The following SLC23A1 variants were observed in gnomAD, a reference collection of about 807,000 sequenced individuals.
The protein encoded by SLC23A1 is Na(+)/L-ascorbic acid transporter 1.
SLC23A1 carries 31 observed loss-of-function variants against 62.5 expected under a neutral mutation model. The ratio of observed to expected loss-of-function variants is 0.50; its 90% confidence interval spans 0.37 to 0.67. The LOEUF (loss-of-function observed/expected upper bound fraction) is 0.67. Ranked by LOEUF, SLC23A1 falls within the 30% of genes least tolerant of loss-of-function variation. The pLI, the probability that SLC23A1 is intolerant of heterozygous loss-of-function variation, is 0.00. For synonymous variants in SLC23A1, 271 were observed against 313.2 expected, an observed-to-expected ratio of 0.87 and a Z score of 1.42; for missense variants, 640 against 782.7, an observed-to-expected ratio of 0.82 and a Z score of 2.18.
chr5:139,382,130 C>T (rs1163216254), intron 2 of SLC23A1, 81 bp from the exon 3 acceptor site: 3 of 1,422,652 alleles, frequency 2.1e-6, no homozygotes, highest in Admixed American at 2.1e-5. Context: ...GTCCTCATGC[C>T]TGCCTCAGCG....
intron 13 of SLC23A1, among the ~76,000 whole-genome samples, chr5:139,374,459 CAAAA>C (rs891938760): frequency 2.6e-5 from 4 of 151,798 alleles, no homozygotes; most frequent in African/African-American, 7.3e-5. Context: ...AACAAACAAA[CAAAA>C]AAAACAAATG....
intron 3 of SLC23A1, among the ~76,000 whole-genome samples, chr5:139,381,364 G>A (rs1758246752): frequency 6.6e-6 from 1 of 152,316 alleles, no homozygotes; most frequent in Admixed American, 6.5e-5. Context: ...GTTTAAGAGG[G>A]GAGAGCCGGC....
chr5:139,381,926 T>C lies in SLC23A1; in HGVS notation c.274A>G (p.Ile92Val). 6.3e-7 allele frequency: 1 copy of C among 1,575,168 alleles called. No individual in the cohort carries two copies. The highest frequency in any genetic ancestry group is 8.6e-7 in the Non-Finnish European group (1 of 1,161,630). Residue 92 changes from isoleucine to valine, a missense_variant, in exon 3 of 15, where the codon ATC becomes GTC. Ile to Val is a conservative substitution (Grantham distance 29). Transcript: ENST00000348729. ...ACGGTGGTCTGGATGAGAGTGGTGA[T>C]GCCCACGCACGTGAAGATGGTGCCG... The part of the protein sequence containing the change: ...LIGTIFTCVG[I>V]TTLIQTTVGI...
intron 1 of SLC23A1, among the ~76,000 whole-genome samples, chr5:139,382,895 C>T (rs1758347275): frequency 6.6e-6 from 1 of 152,190 alleles, no homozygotes; most frequent in Non-Finnish European, 1.5e-5. Flanking sequence ...TTGGAGACCA[C>T]AGGAGAGGGG....
intron 13 of SLC23A1, among the ~76,000 whole-genome samples, chr5:139,375,536 C>T (rs1467683142): frequency 1.3e-5 from 2 of 152,090 alleles, no homozygotes; most frequent in Non-Finnish European, 2.9e-5. Context: ...AGACCCCCAT[C>T]TTAATTTAAA....
chr5:139,371,106 A>G (rs1346511546), intron 14 of SLC23A1, among the ~76,000 whole-genome samples: 1 of 152,174 alleles, frequency 6.6e-6, no homozygotes, highest in East Asian at 1.9e-4. Context: ...AGGGAACTCT[A>G]GCCAGACTTC....
chr5:139,370,650 C>T (rs1300095593), intron 14 of SLC23A1, among the ~76,000 whole-genome samples: 1 of 152,010 alleles, frequency 6.6e-6, no homozygotes, highest in East Asian at 1.9e-4. Context: ...TACCACCACG[C>T]CTGGCTAATT....
At chr5:139,371,543 T>C (rs1757668885) in intron 14 of SLC23A1, among the ~76,000 whole-genome samples, 7 of 152,260 alleles carry the variant, frequency 4.6e-5, no homozygotes, top group Admixed American at 4.6e-4. Context: ...ATGACGTTAT[T>C]GAGACAAGGC....
intron 13 of SLC23A1, among the ~76,000 whole-genome samples, chr5:139,375,687 T>G (rs1757912802): frequency 6.6e-6 from 1 of 151,978 alleles, no homozygotes; most frequent in Non-Finnish European, 1.5e-5. Context: ...ATACAAAAAT[T>G]AGCTGGGTGT....
At position 139,382,479 on chromosome 5, in the gene SLC23A1, C is replaced by T; in HGVS notation, c.150+13G>A. 6.5e-7 allele frequency: 1 copy of T among 1,547,274 alleles called. No homozygotes were observed. Among genetic ancestry groups the T allele is most frequent in the Non-Finnish European group, 8.9e-7 (1 of 1,119,800 alleles). ...TGTGCAGAGTGAGGGCGGGGAGGCCCTGGGGGACCCACCTGGAAGCCCAGC... is the reference window on the plus strand; with the variant it reads ...TGTGCAGAGTGAGGGCGGGGAGGCCTTGGGGGACCCACCTGGAAGCCCAGC... On this transcript the variant is annotated intron_variant, in intron 2 of 14. Transcript: ENST00000348729.
chr5:139,373,576 T>C (rs1237142180), intron 13 of SLC23A1, among the ~76,000 whole-genome samples: 1 of 152,118 alleles, frequency 6.6e-6, no homozygotes, highest in Non-Finnish European at 1.5e-5. Flanking sequence ...AAGACTGAAA[T>C]ACTATAAATC....
rs770619779 is a variant in SLC23A1 at position 139,379,732 on chromosome 5, C to T, written c.871G>A (p.Asp291Asn). 31 of 1,613,858 alleles carry T rather than the reference C, an allele frequency of 1.9e-5. No homozygotes were observed. Among genetic ancestry groups the T allele is most frequent in the South Asian group, 5.5e-5 (5 of 91,074 alleles). Residue 291 changes from aspartate to asparagine, a missense_variant, in exon 8 of 15, where the codon GAT becomes AAT. Coordinates refer to ENST00000348729, the MANE Select transcript of SLC23A1 (RefSeq NM_005847.5). This position sits in a 1 kb window ranked among gnomAD's most constrained non-coding sequence, Gnocchi z 4.7. ...ATAGCCATGATGTCACCACGGGCAT[C>T]GGTTCGTGCCTGGAAGCCATAGGCT... ...PKAYGFQART[D>N]ARGDIMAIAP...
At chr5:139,382,177 CCCA>C in intron 2 of SLC23A1, 128 bp from the exon 3 acceptor site, 1 of 880,244 alleles carries the variant, frequency 1.1e-6, no homozygotes, top group Non-Finnish European at 1.7e-6. Context: ...ACTGGCAGTC[CCCA>C]CAAGGGATTC....
chr5:139,369,242 T>G (rs1164671531), intron 14 of SLC23A1: 1 of 153,690 alleles, frequency 6.5e-6, no homozygotes, highest in Non-Finnish European at 1.5e-5. Context: ...GAAGGTCTGT[T>G]AGTTAATTTG....
At chr5:139,368,090 C>T (rs1317153102) in intron 14 of SLC23A1, among the ~76,000 whole-genome samples, 8 of 152,280 alleles carry the variant, frequency 5.3e-5, no homozygotes, top group East Asian at 1.9e-4. Flanking sequence ...AATCCCAGCA[C>T]TTTGGGAGGC....
upstream of SLC23A1, chr5:139,383,362 G>A (rs1758384902): frequency 5.9e-6 from 9 of 1,534,454 alleles, no homozygotes; most frequent in Admixed American, 1.9e-5. Flanking sequence ...AAGTAAATCT[G>A]TAACCAGATG....
At chr5:139,383,388 C>T (rs1279151106), upstream of SLC23A1, 7 of 1,475,602 alleles carry the variant, frequency 4.7e-6, no homozygotes, top group South Asian at 1.5e-5. Flanking sequence ...CTCTGGATTG[C>T]GAAAGGGGGG....
intron 14 of SLC23A1, chr5:139,369,286 C>G (rs1757501020): frequency 1.3e-5 from 2 of 153,270 alleles, no homozygotes; most frequent in African/African-American, 4.8e-5. Flanking sequence ...TGTCATATTA[C>G]TGAGGCTACA....
intron 13 of SLC23A1, among the ~76,000 whole-genome samples, chr5:139,372,588 TATTTA>T (rs1456524654): frequency 6.6e-6 from 1 of 152,116 alleles, no homozygotes; most frequent in Non-Finnish European, 1.5e-5. Flanking sequence ...TATTTTATTT[TATTTA>T]TTTATTTTTT....
Sources: gnomAD v4.1 joint callset for allele counts (sites outside exome capture counted in the v4.1 genomes callset) on GRCh38, gnomAD v4.1.1 for gene constraint, Gnocchi (gnomAD v3.1) non-coding constraint, MANE v1.5 for transcripts, NCBI Gene and HGNC (gene_info 2026-07-23, HGNC 2026-07-21) for gene names.